Variants in WNK3 observed in about 807,000 individuals in gnomAD.
WNK3 encodes serine/threonine-protein kinase WNK3.
WNK3 carries 18 observed loss-of-function variants against 116.7 expected under a neutral mutation model. The ratio of observed to expected loss-of-function variants is 0.15; its 90% confidence interval spans 0.11 to 0.23. WNK3 has a LOEUF of 0.23. WNK3 is among the 10% of genes least tolerant of loss of function. WNK3 has a pLI of 1.00. For synonymous variants in WNK3, 404 were observed against 469.4 expected, an observed-to-expected ratio of 0.86 and a Z score of 1.80; for missense variants, 993 against 1,323.8, an observed-to-expected ratio of 0.75 and a Z score of 3.88.
rs1569536232 is a variant in WNK3, at chrX:54,237,027, G to C, written c.4539C>G (p.Phe1513Leu). Residue 1513 changes from phenylalanine to leucine, a missense_variant, in exon 20 of 24, where the codon TTC becomes TTG. By Grantham distance (22) the Phe-to-Leu change is conservative. Coordinates refer to ENST00000354646, the Ensembl canonical transcript of WNK3. ...TGCTCATTGGGGAAGATGGCGAATA[G>C]AAGAGTGAACTCTGTGTTTGAGCAT... 2.5e-6 allele frequency: 3 copies of C among 1,210,470 alleles called. No homozygotes were observed. In the South Asian group the frequency reaches 5.3e-5, roughly 21 times the overall value.
intron 1 of WNK3, among the ~76,000 whole-genome samples, chrX:54,347,745 A>G (rs1034118621): frequency 9.5e-6 from 1 of 105,764 alleles, no homozygotes; most frequent in Non-Finnish European, 1.9e-5. Context: ...TATGTACTAT[A>G]TTATATATAT....
chrX:54,336,554 A>G lies in WNK3; in HGVS notation c.-119-2762T>C, dbSNP rs782778242. On this transcript the variant is annotated intron_variant, in intron 1 of 23. Coordinates refer to ENST00000354646, the Ensembl canonical transcript of WNK3. Reference sequence around the variant, plus strand: ...CAGAGGGAAGATCACAAGCAAAGGCATTAAACAGTATGGAGTAAGTGTATG... The same window carrying G: ...CAGAGGGAAGATCACAAGCAAAGGCGTTAAACAGTATGGAGTAAGTGTATG... Among the ~76,000 whole-genome samples the G allele has an allele frequency of 2.7e-5, 3 of 111,531 alleles. No homozygotes were observed. In the East Asian group the frequency reaches 8.5e-4, roughly 31 times the overall value.
At chrX:54,356,636 G>A (rs1228059220) in intron 1 of WNK3, among the ~76,000 whole-genome samples, 1 of 111,448 alleles carries the variant, frequency 9.0e-6, no homozygotes, top group Non-Finnish European at 1.9e-5. Context: ...AGTTCTCTTG[G>A]TATTACAACT....
At chrX:54,218,495 A>G (rs2067723462) in intron 22 of WNK3, among the ~76,000 whole-genome samples, 1 of 109,423 alleles carries the variant, frequency 9.1e-6, no homozygotes. Flanking sequence ...TTTTAGTGGG[A>G]AAAAGAAATA....
intron 6 of WNK3, among the ~76,000 whole-genome samples, 167 bp from the exon 7 acceptor site, chrX:54,298,561 T>C (rs898383589): frequency 8.0e-5 from 9 of 112,302 alleles, no homozygotes; most frequent in Non-Finnish European, 1.5e-4. Flanking sequence ...ACAGATCCTG[T>C]GGAAGCAAAA....
At chrX:54,285,472 G>A (rs1169994563) in intron 10 of WNK3, among the ~76,000 whole-genome samples, 1 of 112,518 alleles carries the variant, frequency 8.9e-6, no homozygotes, top group East Asian at 2.8e-4. Context: ...TCACTGGGAA[G>A]GGGCATGAGG....
chrX:54,236,434 C>CT (rs1346961381), intron 20 of WNK3, among the ~76,000 whole-genome samples: 1 of 110,668 alleles, frequency 9.0e-6, no homozygotes, highest in Non-Finnish European at 1.9e-5. Context: ...GCCTGAATTT[C>CT]TTTTTTTTAA....
intron 23 of WNK3, 103 bp downstream of exon 23, chrX:54,201,888 G>A (rs2067504185): frequency 9.1e-6 from 6 of 658,481 alleles, no homozygotes; most frequent in South Asian, 8.6e-5. Context: ...ATGTTATCAA[G>A]TCATACTACT....
At chrX:54,263,165 A>C (rs2068275123) in intron 10 of WNK3, among the ~76,000 whole-genome samples, 1 of 111,044 alleles carries the variant, frequency 9.0e-6, no homozygotes, top group African/African-American at 3.3e-5. Context: ...GGAGGACAAA[A>C]GAGATAAAAA....
chrX:54,251,900 T>A (rs1360330649), intron 13 of WNK3, among the ~76,000 whole-genome samples: 1 of 108,448 alleles, frequency 9.2e-6, no homozygotes, highest in East Asian at 2.9e-4. Context: ...ACCCTGTCTC[T>A]ACTAAAAATA....
Position 54,278,173 on chromosome X carries a change from AGAG to A in WNK3, c.2037+14712_2037+14714del, listed in dbSNP as rs781920762. On this transcript the variant is annotated intron_variant, in intron 10 of 23. Coordinates refer to ENST00000354646, the Ensembl canonical transcript of WNK3. ...GATACTTAGGCACAAACTTAACAAA[AGAG>A]CCTTAGGATTTGTATGCTGAAAATT... 1.1e-3 allele frequency among the ~76,000 whole-genome samples: 125 copies of A among 111,051 alleles called. 1 individual carries two copies. Among genetic ancestry groups the A allele is most frequent in the Non-Finnish European group, 2.1e-3 (112 of 53,039 alleles).
chrX:54,255,842 A>G (rs1557155368), exon 12 of WNK3: 2 of 1,207,578 alleles, frequency 1.7e-6, no homozygotes, highest in Non-Finnish European at 2.2e-6. Context: ...TTGGGTTATC[A>G]GGGCTACTGA....
In WNK3 at chrX:54,271,357, C is replaced by T. The variant is rs782540979; in HGVS notation, c.2038-12019G>A. Among the ~76,000 whole-genome samples, 5 of 111,241 alleles carry T rather than the reference C, an allele frequency of 4.5e-5. No homozygotes were observed. In the South Asian group the frequency reaches 1.9e-3, roughly 41 times the overall value. On this transcript the variant is annotated intron_variant, in intron 10 of 23. Transcript: ENST00000354646. ...CTGTAAACTGATTTTTTTTTAATGCCTAACAAGTTTTTGTTCATGTGTGAA... is the reference window on the plus strand; with the variant it reads ...CTGTAAACTGATTTTTTTTTAATGCTTAACAAGTTTTTGTTCATGTGTGAA...
At chrX:54,273,967 A>C (rs1443824437) in intron 10 of WNK3, among the ~76,000 whole-genome samples, 1 of 111,657 alleles carries the variant, frequency 9.0e-6, no homozygotes, top group Non-Finnish European at 1.9e-5. Flanking sequence ...AACTACTAAG[A>C]AAACGTGCTC....
At chrX:54,294,463 T>A in intron 8 of WNK3, 90 bp downstream of exon 8, 1 of 707,231 alleles carries the variant, frequency 1.4e-6, no homozygotes, top group Non-Finnish European at 2.0e-6. Flanking sequence ...AGAAACAAAA[T>A]AGGTCATTGA....
chrX:54,249,524 C>T, exon 17 of WNK3: 1 of 1,211,758 alleles, frequency 8.3e-7, no homozygotes, highest in East Asian at 3.0e-5. Context: ...TTACCATCAA[C>T]CACATCCTTG....
At chrX:54,304,806 TA>T (rs1259364497) in intron 5 of WNK3, among the ~76,000 whole-genome samples, 4 of 110,705 alleles carry the variant, frequency 3.6e-5, no homozygotes, top group African/African-American at 1.3e-4. Context: ...AAAATAAAAC[TA>T]AATTATAAAA....
At chrX:54,259,401 T>A in intron 10 of WNK3, 63 bp from the exon 11 acceptor site, 2 of 714,015 alleles carry the variant, frequency 2.8e-6, no homozygotes, top group Non-Finnish European at 4.1e-6. Flanking sequence ...AAATATACAA[T>A]TTGTTACTAT....
intron 10 of WNK3, among the ~76,000 whole-genome samples, chrX:54,284,098 A>T (rs1383897664): frequency 9.0e-6 from 1 of 111,305 alleles, no homozygotes; most frequent in Non-Finnish European, 1.9e-5. Flanking sequence ...AGACCATTAC[A>T]AAAACGAATG....
Sources: allele counts gnomAD v4.1 joint callset (sites outside exome capture counted in the v4.1 genomes callset), GRCh38; gene constraint gnomAD v4.1.1; transcripts MANE v1.5; gene names NCBI Gene and HGNC (gene_info 2026-07-23, HGNC 2026-07-21).